USP48: variants seen among roughly 807,000 people sequenced by gnomAD.
USP48 encodes the protein ubiquitin specific peptidase 48, also known as ubiquitin carboxyl-terminal hydrolase 48.
A neutral mutation model predicts 150.7 loss-of-function variants in USP48; 43 were observed. That is an observed-to-expected ratio of 0.29 (90% CI 0.22 to 0.37). The LOEUF (loss-of-function observed/expected upper bound fraction) is 0.37. USP48 is among the 10% of genes least tolerant of loss of function. USP48 has a pLI of 1.00. For synonymous variants in USP48, 396 were observed against 425.9 expected, an observed-to-expected ratio of 0.93 and a Z score of 0.86; for missense variants, 813 against 1,249.6, an observed-to-expected ratio of 0.65 and a Z score of 5.27.
chr1:21,775,978 A>T (rs2097897333), intron 1 of USP48, among the ~76,000 whole-genome samples: 1 of 152,240 alleles, frequency 6.6e-6, no homozygotes, highest in Non-Finnish European at 1.5e-5. Flanking sequence ...CTTTGCACTT[A>T]GATCAGAAAG....
At chr1:21,776,913 C>T (rs527450459) in intron 1 of USP48, among the ~76,000 whole-genome samples, 12 of 151,376 alleles carry the variant, frequency 7.9e-5, no homozygotes, top group Admixed American at 1.3e-4. Context: ...TGCCGCTGCA[C>T]TCCAGCCTGG....
At chr1:21,753,523 G>C (rs1365968312) in intron 3 of USP48, among the ~76,000 whole-genome samples, 2 of 144,298 alleles carry the variant, frequency 1.4e-5, no homozygotes, top group African/African-American at 5.1e-5. Context: ...AACAAAGTGA[G>C]ACTCTCAAAA....
intron 22 of USP48, among the ~76,000 whole-genome samples, chr1:21,696,656 A>G (rs1392762655): frequency 6.6e-6 from 1 of 152,092 alleles, no homozygotes; most frequent in Non-Finnish European, 1.5e-5. Context: ...TAGGTAGGAC[A>G]CTGTCTTTAT....
chr1:21,728,411 A>C, intron 11 of USP48, 159 bp downstream of exon 11: 1 of 1,413,940 alleles, frequency 7.1e-7, no homozygotes, highest in Non-Finnish European at 9.2e-7. Context: ...CTACACATCA[A>C]GTTATTGTTG....
chr1:21,752,982 C>T lies in USP48; in HGVS notation c.540+10G>A, dbSNP rs757427334. The T allele has an allele frequency of 6.4e-7, 1 of 1,572,246 alleles. No homozygotes were observed. The highest frequency in any genetic ancestry group is 2.3e-5 in the East Asian group (1 of 43,880). Reference sequence around the variant, plus strand: ...GAATATTTAAAAAAAAAAAAAAATTCAGTTCTTACCTGCTGTTGTCCAGTG... The same window carrying T: ...GAATATTTAAAAAAAAAAAAAAATTTAGTTCTTACCTGCTGTTGTCCAGTG... On this transcript the variant is annotated intron_variant, in intron 4 of 26. Coordinates refer to ENST00000308271, the MANE Select transcript of USP48 (RefSeq NM_032236.8).
At chr1:21,679,512 G>T in intron 26 of USP48, 73 bp from the exon 27 acceptor site, 2 of 1,567,320 alleles carry the variant, frequency 1.3e-6, no homozygotes, top group South Asian at 1.1e-5. Flanking sequence ...CATTTACCAA[G>T]AACACATCAT....
chr1:21,716,693 G>A (rs1040087562), intron 14 of USP48, among the ~76,000 whole-genome samples: 2 of 152,060 alleles, frequency 1.3e-5, no homozygotes, highest in East Asian at 1.9e-4. Flanking sequence ...GTATATACTG[G>A]GAACAGGATC....
At chr1:21,773,254 CAAAAAAAAAAAA>C (rs60704662) in intron 1 of USP48, among the ~76,000 whole-genome samples, 2 of 66,166 alleles carry the variant, frequency 3.0e-5, no homozygotes, top group Non-Finnish European at 3.1e-5. Context: ...GACTCGGTCT[CAAAAAAAAAAAA>C]AAAAAAAAGA....
intron 15 of USP48, chr1:21,715,167 G>A (rs991900906): frequency 4.7e-5 from 22 of 467,426 alleles, no homozygotes; most frequent in Non-Finnish European, 8.2e-5. Context: ...TGACAGTCAT[G>A]GGAAACAACT....
At chr1:21,766,842 A>C (rs1430019083) in intron 1 of USP48, among the ~76,000 whole-genome samples, 2 of 152,038 alleles carry the variant, frequency 1.3e-5, no homozygotes, top group Admixed American at 6.6e-5. Flanking sequence ...AGTCGAGTGG[A>C]TAACTTGAGG....
chr1:21,718,337 AT>A, intron 14 of USP48, among the ~76,000 whole-genome samples: 1 of 152,272 alleles, frequency 6.6e-6, no homozygotes, highest in East Asian at 1.9e-4. Flanking sequence ...AAAAGCCACT[AT>A]TTACAGTGAT....
chr1:21,724,804 A>G (rs1052007250), intron 11 of USP48: 8 of 152,232 alleles, frequency 5.3e-5, no homozygotes, highest in African/African-American at 1.9e-4. Context: ...GCAAAAATTA[A>G]AAGACAAAAC....
At chr1:21,704,692 G>T in intron 19 of USP48, 1 of 207,336 alleles carries the variant, frequency 4.8e-6, no homozygotes, top group Admixed American at 5.7e-5. Context: ...TATATAAAAA[G>T]TTTTAAATAT....
At chr1:21,741,756 G>C (rs115344172) in intron 8 of USP48, among the ~76,000 whole-genome samples, 122 of 152,270 alleles carry the variant, frequency 8.0e-4, no homozygotes, top group African/African-American at 2.7e-3. Flanking sequence ...CAAGAGGACT[G>C]CTTAAGGCCG....
intron 24 of USP48, 61 bp from the exon 25 acceptor site, chr1:21,687,300 A>G (rs1218578307): frequency 6.8e-7 from 1 of 1,476,634 alleles, no homozygotes; most frequent in African/African-American, 1.4e-5. Flanking sequence ...AATTTGAAGT[A>G]TGGCCCATGA....
intron 19 of USP48, among the ~76,000 whole-genome samples, chr1:21,705,269 C>T (rs2097668924): frequency 6.6e-6 from 1 of 152,146 alleles, no homozygotes; most frequent in East Asian, 1.9e-4. Context: ...TCTGGAAGTA[C>T]TTGAAGCATG....
chr1:21,753,886 G>A (rs572120157), intron 3 of USP48, among the ~76,000 whole-genome samples: 1 of 150,056 alleles, frequency 6.7e-6, no homozygotes, highest in Non-Finnish European at 1.5e-5. Context: ...CTCAAGGCTG[G>A]AAGCAGTGGT....
chr1:21,744,186 G>A (rs140816439), intron 8 of USP48, among the ~76,000 whole-genome samples: 1,867 of 152,246 alleles, frequency 0.012, 17 homozygotes, highest in Non-Finnish European at 0.019. Flanking sequence ...GCTCACACCT[G>A]TAATCCCACC....
chr1:21,712,676 T>C (rs971402593), intron 15 of USP48, among the ~76,000 whole-genome samples: 2 of 149,696 alleles, frequency 1.3e-5, no homozygotes, highest in African/African-American at 4.9e-5. Context: ...TTGCCTAGGC[T>C]AGAATGCAGG....
Sources: allele counts gnomAD v4.1 joint callset (sites outside exome capture counted in the v4.1 genomes callset), GRCh38; gene constraint gnomAD v4.1.1; transcripts MANE v1.5; gene names NCBI Gene and HGNC (gene_info 2026-07-23, HGNC 2026-07-21).